ATM: variants seen among roughly 807,000 people sequenced by gnomAD.
ATM encodes the protein serine-protein kinase ATM.
A neutral mutation model predicts 387.0 loss-of-function variants in ATM; 308 were observed. The ratio of observed to expected loss-of-function variants is 0.80; its 90% CI spans 0.73 to 0.87. The LOEUF (loss-of-function observed/expected upper bound fraction) is 0.87, where lower values mean the gene tolerates loss of function less well. Among genes scored for constraint, ATM ranks in the 40% least tolerant of loss-of-function variants. The pLI, the probability that ATM is intolerant of heterozygous loss-of-function variation, is 0.00. For missense variants in ATM, 3,312 were observed against 3,560.9 expected (o/e 0.93, Z 1.78); for synonymous variants, 1,156 against 1,187.3 (o/e 0.97, Z 0.54).
Position 108,316,034 on chromosome 11 carries a change from C to T in ATM, c.6119C>T (p.Ala2040Val), listed in dbSNP as rs1299506506. The change falls in exon 42 of 63, where the codon GCA becomes GTA. Residue 2040 changes from alanine (A) to valine (V), a missense_variant. This residue lies in a region of ATM where 1,405 missense variants were observed against 1,604.4 expected (regional missense o/e 0.88). Coordinates refer to ENST00000675843, the MANE Select transcript of ATM (RefSeq NM_000051.4). ...AGACTACGAACATATGAACACGAAG[C>T]AATGTGGGGCAAAGCCCTAGTAACA... ...ITRLRTYEHE[A>V]MWGKALVTYD... is the part of the protein sequence containing the mutation. 2 of 1,614,098 alleles carry T rather than the reference C, an allele frequency of 1.2e-6. No homozygotes were observed. The highest frequency in any genetic ancestry group is 8.5e-7 in the Non-Finnish European group (1 of 1,180,000).
intron 39 of ATM, among the ~76,000 whole-genome samples, chr11:108,311,116 A>C (rs769796606): frequency 2.0e-4 from 31 of 151,716 alleles, no homozygotes; most frequent in South Asian, 4.2e-4. Context: ...ATAGGCACAC[A>C]CCACTGCATC....
intron 5 of ATM, chr11:108,236,355 G>GT (rs2079276616): frequency 6.2e-6 from 1 of 162,502 alleles, no homozygotes; most frequent in African/African-American, 2.4e-5. Context: ...ACCAGCCTGG[G>GT]CAACATGGTG....
chr11:108,245,816 A>T, intron 7 of ATM, among the ~76,000 whole-genome samples: 2 of 147,432 alleles, frequency 1.4e-5, no homozygotes. Context: ...AATGTCTTGT[A>T]GCCACTTTTT....
chr11:108,312,648 T>C (rs2084275918), intron 40 of ATM, 150 bp downstream of exon 40: 1 of 627,200 alleles, frequency 1.6e-6, no homozygotes, highest in Admixed American at 2.9e-5. Context: ...GGTCTGAAGC[T>C]TAAGCCTTAG....
At chr11:108,333,103 C>T (rs1442340564) in intron 53 of ATM, among the ~76,000 whole-genome samples, 1 of 152,078 alleles carries the variant, frequency 6.6e-6, no homozygotes, top group Non-Finnish European at 1.5e-5. Flanking sequence ...GGTGACTACA[C>T]TAAATTAATT....
intron 4 of ATM, among the ~76,000 whole-genome samples, chr11:108,233,098 G>A (rs974493210): frequency 6.6e-6 from 1 of 152,164 alleles, no homozygotes; most frequent in African/African-American, 2.4e-5. Flanking sequence ...CTGACCTCAA[G>A]TGATCCACCT....
At position 108,250,854 on chromosome 11, in the gene ATM, A is replaced by C. The variant is rs2080102935; in HGVS notation, c.1389A>C (p.Ala463=). ...TGTTACGATGCCTTACGGAAGTTGC[A>C]TTGTGTCAAGACAAGAGGTCAAACC... The part of the protein sequence containing the change: ...PYVLRCLTEV[A]LCQDKRSNLE... Residue 463 remains alanine, a synonymous_variant, in exon 10 of 63, where the codon GCA becomes GCC. Transcript: ENST00000675843. 3 of 1,614,198 alleles carry C rather than the reference A, an allele frequency of 1.9e-6. No individual in the cohort carries two copies. In the South Asian group the frequency reaches 3.3e-5, roughly 18 times the overall value.
At chr11:108,276,304 C>T (rs1440882110) in intron 22 of ATM, among the ~76,000 whole-genome samples, 2 of 152,172 alleles carry the variant, frequency 1.3e-5, no homozygotes, top group East Asian at 3.8e-4. Context: ...TGGGTTAGAA[C>T]ATGCTCCTTT....
chr11:108,363,752 A>T (rs1398760223), intron 61 of ATM, among the ~76,000 whole-genome samples: 1 of 152,090 alleles, frequency 6.6e-6, no homozygotes. Context: ...CTGAAACATA[A>T]TTTTTTACTT....
rs2080105606 is a variant in ATM, at chr11:108,250,890, A to G, written c.1425A>G (p.Ser475=). The change falls in exon 10 of 63, where the codon TCA becomes TCG. Residue 475 remains serine (S), a synonymous_variant. Transcript: ENST00000675843. ...CQDKRSNLES[S]QKSDLLKLWN... ...ACAAGAGGTCAAACCTAGAAAGCTC[A>G]CAAAAGTCAGATTTATTAAAACTCT... 3 of 1,611,774 alleles carry G rather than the reference A, an allele frequency of 1.9e-6. No homozygotes were observed. Among genetic ancestry groups the G allele is most frequent in the Non-Finnish European group, 2.5e-6 (3 of 1,177,798 alleles).
intron 39 of ATM, among the ~76,000 whole-genome samples, 199 bp downstream of exon 39, chr11:108,310,514 T>G (rs1046144001): frequency 6.6e-6 from 1 of 152,198 alleles, no homozygotes; most frequent in African/African-American, 2.4e-5. Flanking sequence ...GAATGCTTAT[T>G]ACTTAGGTAT....
rs1565424709 is a variant in ATM, at chr11:108,271,164, T to C, written c.2921+18T>C. On this transcript the variant is annotated intron_variant, in intron 19 of 62. Transcript: ENST00000675843. Reference sequence around the variant, plus strand: ...CCACTATCGTAAGAAATTAAAACCTTATGTTATGTTCACTTTAAAGTTATA... The same window carrying C: ...CCACTATCGTAAGAAATTAAAACCTCATGTTATGTTCACTTTAAAGTTATA... 6.2e-7 allele frequency: 1 copy of C among 1,613,700 alleles called. No homozygotes were observed. Among genetic ancestry groups the C allele is most frequent in the Non-Finnish European group, 8.5e-7 (1 of 1,179,736 alleles).
At chr11:108,251,195 G>A in intron 10 of ATM, 123 bp downstream of exon 10, 1 of 1,441,032 alleles carries the variant, frequency 6.9e-7, no homozygotes, top group South Asian at 1.2e-5. Flanking sequence ...TTCTATTTCA[G>A]ATGCTTTTCT....
Position 108,366,287 on chromosome 11 carries a change from T to G in ATM, c.*779T>G, listed in dbSNP as rs78327467. 6.0e-3 allele frequency: 1,256 copies of G among 207,840 alleles called. 7 individuals carry two copies. The highest frequency in any genetic ancestry group is 7.7e-3 in the African/African-American group (338 of 44,140). 12.9% of individuals were successfully genotyped at this position (207,840 alleles called of 1,614,324 possible). A position where few individuals can be genotyped will look rare whatever the true frequency, so the allele number is the denominator to read the frequency against. ...AGTTCATGAATTCTCTTGTCAGATG[T>G]ATATAATCTCTTTTACCCTATCCAT... On this transcript the variant is annotated 3_prime_UTR_variant, in exon 63 of 63. Coordinates refer to ENST00000675843, the MANE Select transcript of ATM (RefSeq NM_000051.4).
At chr11:108,327,059 C>G (rs1164127662) in intron 47 of ATM, among the ~76,000 whole-genome samples, 2 of 152,074 alleles carry the variant, frequency 1.3e-5, no homozygotes, top group Non-Finnish European at 2.9e-5. Context: ...AACTCCTGAG[C>G]TCAGGCAATC....
At chr11:108,266,017 T>C (rs1475615224) in intron 16 of ATM, among the ~76,000 whole-genome samples, 46 of 152,046 alleles carry the variant, frequency 3.0e-4, no homozygotes, top group Non-Finnish European at 3.5e-4. Flanking sequence ...GAAATAGGAA[T>C]CCTTTTACAC....
Position 108,244,792 on chromosome 11 carries a change from G to A in ATM, c.667G>A (p.Glu223Lys). 1 of 1,612,754 alleles carries A rather than the reference G, an allele frequency of 6.2e-7. No homozygotes were observed. The highest frequency in any genetic ancestry group is 8.5e-7 in the Non-Finnish European group (1 of 1,179,128). ...AGCTTGTTTGTTTCTTCACAGACAA[G>A]AAAAGAGCTCTTCAGGTCTAAATCA... ...FSKAIQCARQEKSSSGLNHIL... is the reference protein window; with the variant it reads ...FSKAIQCARQKKSSSGLNHIL... Residue 223 changes from glutamate to lysine, a missense_variant, in exon 7 of 63, where the codon GAA becomes AAA. Physicochemically the swap from Glu to Lys is moderately conservative, Grantham distance 56 (BLOSUM62 1). Around this residue, in one of 4 missense-constraint regions of ATM, gnomAD observed 1,791 missense variants for 1,804.5 expected, o/e 0.99. Coordinates refer to ENST00000675843, the MANE Select transcript of ATM (RefSeq NM_000051.4).
At chr11:108,229,526 T>C (rs1490583335) in intron 4 of ATM, 11 of 521,290 alleles carry the variant, frequency 2.1e-5, no homozygotes, top group Non-Finnish European at 3.6e-5. Context: ...AGTGAAGCAG[T>C]GGGAGTTTAG....
At chr11:108,320,120 A>G (rs1019252820) in intron 44 of ATM, 62 bp downstream of exon 44, 47 of 1,250,222 alleles carry the variant, frequency 3.8e-5, no homozygotes, top group Non-Finnish European at 5.1e-5. Flanking sequence ...CTTTTCTGAA[A>G]ACTTGAGAAA....
Sources: gnomAD v4.1 joint callset for allele counts (sites outside exome capture counted in the v4.1 genomes callset) on GRCh38, gnomAD v4.1.1 for gene constraint, gnomAD v4.1.1 regional missense constraint, MANE v1.5 for transcripts, NCBI Gene and HGNC (gene_info 2026-07-23, HGNC 2026-07-21) for gene names.